Variants in CD22 observed in about 807,000 individuals in gnomAD.
CD22 encodes the protein CD22 molecule, also known as B-cell receptor CD22.
Under a neutral mutation model 94.7 loss-of-function variants are expected in CD22, and 51 were observed. The ratio of observed to expected loss-of-function variants is 0.54; its 90% confidence interval spans 0.43 to 0.68. CD22 has a LOEUF of 0.68. Ranked by LOEUF, CD22 falls within the 30% of genes least tolerant of loss-of-function variation. The probability of loss-of-function intolerance (pLI) is 0.00; values close to 1 mark genes in which losing one functional copy is unlikely to be tolerated. For missense variants in CD22, 931 were observed against 1,060.4 expected (o/e 0.88, Z 1.69); for synonymous variants, 424 against 422.5 (o/e 1.00, Z -0.04).
In CD22 at chr19:35,329,237, A is replaced by T. The variant is rs1421601790; in HGVS notation, c.-23+7A>T. 7.8e-7 allele frequency: 1 copy of T among 1,289,084 alleles called. No homozygotes were observed. The highest frequency in any genetic ancestry group is 1.0e-6 in the Non-Finnish European group (1 of 988,340). 79.9% of individuals were successfully genotyped at this position (1,289,084 alleles called of 1,614,324 possible). On this transcript the variant is annotated splice_region_variant and intron_variant, in intron 1 of 13. Coordinates refer to ENST00000085219, the MANE Select transcript of CD22 (RefSeq NM_001771.4). ...GGAAGACACGCGGAAACAGGTAAAAATCATTTTGCTTTTATTTTGCATTCA... is the reference window on the plus strand; with the variant it reads ...GGAAGACACGCGGAAACAGGTAAAATTCATTTTGCTTTTATTTTGCATTCA...
chr19:35,336,398 G>A (rs1459082571), intron 4 of CD22, 57 bp downstream of exon 4: 2 of 1,541,560 alleles, frequency 1.3e-6, no homozygotes, highest in East Asian at 2.3e-5. Flanking sequence ...CTTCTCCCCA[G>A]CCCCGCAGGG....
Position 35,337,770 on chromosome 19 carries a change from A to T in CD22, c.734A>T (p.Glu245Val), listed in dbSNP as rs754733379. The part of the protein sequence containing the change: ...QLNVKHTPKL[E>V]IKVTPSDAIV... ...GCTCCTCCAGACACCCCGAAGTTGG[A>T]GATCAAGGTCACTCCCAGTGATGCC... Residue 245 changes from glutamate to valine, a missense_variant, in exon 5 of 14, where the codon GAG (glutamate) becomes GTG (valine). Glu to Val is a moderately radical substitution (Grantham distance 121). Coordinates refer to ENST00000085219, the MANE Select transcript of CD22 (RefSeq NM_001771.4). The surrounding 1 kb of genome is among the most constrained non-coding windows in gnomAD (Gnocchi z 4.4). 6.3e-7 allele frequency: 1 copy of T among 1,598,598 alleles called. No individual in the cohort carries two copies. Among genetic ancestry groups the T allele is most frequent in the South Asian group, 1.1e-5 (1 of 90,332 alleles).
chr19:35,337,376 G>A lies in CD22; in HGVS notation c.719-379G>A, dbSNP rs1336887082. 6.6e-6 allele frequency among the ~76,000 whole-genome samples: 1 copy of A among 152,198 alleles called. No homozygotes were observed. Among genetic ancestry groups the A allele is most frequent in the Non-Finnish European group, 1.5e-5 (1 of 68,044 alleles). The stretch of plus-strand genomic sequence containing the variant: ...AAAGCTTTGAGGCAGCAGCTGGGTG[G>A]GAGGACCTCAGAGGCTGAAGTTCAC... On this transcript the variant is annotated intron_variant, in intron 4 of 13. Transcript: ENST00000085219. The surrounding 1 kb of genome is among the most constrained non-coding windows in gnomAD (Gnocchi z 4.4).
chr19:35,342,062 C>CTT (rs1477557468), intron 9 of CD22, 97 bp downstream of exon 9: 44 of 1,122,698 alleles, frequency 3.9e-5, no homozygotes, highest in Middle Eastern at 2.8e-4. Flanking sequence ...TCCTTTCTTT[C>CTT]TCTCTTTCTT....
Position 35,346,733 on chromosome 19 carries a change from C to A in CD22, c.*36C>A. On this transcript the variant is annotated 3_prime_UTR_variant, in exon 14 of 14. Coordinates refer to ENST00000085219, the MANE Select transcript of CD22 (RefSeq NM_001771.4). Reference sequence around the variant, plus strand: ...GCTGCAGCAGAGGCACTGGGGGCAGCGGGGGCCAGGGAAGTCCCCGAGTTT... The same window carrying A: ...GCTGCAGCAGAGGCACTGGGGGCAGAGGGGGCCAGGGAAGTCCCCGAGTTT... 1.9e-6 allele frequency: 3 copies of A among 1,566,416 alleles called. No individual in the cohort carries two copies. The highest frequency in any genetic ancestry group is 1.8e-5 in the Admixed American group (1 of 54,322).
In CD22 at chr19:35,338,027, C is replaced by A; in HGVS notation, c.985+6C>A. 1.2e-6 allele frequency: 2 copies of A among 1,602,048 alleles called. No individual in the cohort carries two copies. The highest frequency in any genetic ancestry group is 8.5e-7 in the Non-Finnish European group (1 of 1,172,428). On this transcript the variant is annotated splice_donor_region_variant and intron_variant, in intron 5 of 13. Transcript: ENST00000085219. ...AGTGTTCCTGCAAGTGCAGTGTGAG[C>A]CCCTCGGAGCTGGGGACAGGCCAGG... is the stretch of plus-strand genomic sequence containing the variant.
At position 35,346,631 on chromosome 19, in the gene CD22, C is replaced by T. The variant is rs1406750970; in HGVS notation, c.2478C>T (p.Ile826=). ...AGGGGATTCATTACTCAGAGCTGATCCAGTTTGGGGTCGGGGAGCGGCCTC... is the reference window on the plus strand; with the variant it reads ...AGGGGATTCATTACTCAGAGCTGATTCAGTTTGGGGTCGGGGAGCGGCCTC... ...EDEGIHYSEL[I]QFGVGERPQA... Residue 826 remains isoleucine, a synonymous_variant, in exon 14 of 14, where the codon ATC becomes ATT. Transcript: ENST00000085219. 1.2e-6 allele frequency: 2 copies of T among 1,607,762 alleles called. No individual in the cohort carries two copies. The highest frequency in any genetic ancestry group is 1.3e-5 in the African/African-American group (1 of 74,852).
At chr19:35,333,620 C>T (rs1471156850) in intron 3 of CD22, among the ~76,000 whole-genome samples, 4 of 152,226 alleles carry the variant, frequency 2.6e-5, no homozygotes, top group South Asian at 4.1e-4. Flanking sequence ...TGCAGTGGCG[C>T]GATCTCAGCT....
At chr19:35,332,098 T>G in intron 2 of CD22, 24 bp downstream of exon 2, 1 of 1,613,894 alleles carries the variant, frequency 6.2e-7, no homozygotes, top group South Asian at 1.1e-5. Flanking sequence ...CCTGGGCTAG[T>G]ACTGGGGTTC....
chr19:35,341,376 A>G lies in CD22; in HGVS notation c.1541A>G (p.Lys514Arg). 1 of 1,613,812 alleles carries G rather than the reference A, an allele frequency of 6.2e-7. No individual in the cohort carries two copies. The highest frequency in any genetic ancestry group is 1.3e-5 in the African/African-American group (1 of 74,936). Residue 514 changes from lysine to arginine, a missense_variant, in exon 8 of 14, where the codon AAG (lysine) becomes AGG (arginine). By Grantham distance (26) the Lys-to-Arg change is conservative. Transcript: ENST00000085219. This position sits in a 1 kb window ranked among gnomAD's most constrained non-coding sequence, Gnocchi z 4.0. ...CGAGACGTGAGGGTCCGGAAAATCA[A>G]GCCCCTTTCCGAGATTCACTCTGGA... is the stretch of plus-strand genomic sequence containing the variant. ...APRDVRVRKI[K>R]PLSEIHSGNS...
chr19:35,340,092 G>A (rs1437251875), intron 6 of CD22, among the ~76,000 whole-genome samples: 1 of 152,198 alleles, frequency 6.6e-6, no homozygotes, highest in East Asian at 1.9e-4. Flanking sequence ...GATGTCATAT[G>A]TGCTAACAGG....
chr19:35,341,123 G>A lies in CD22; in HGVS notation c.1492G>A (p.Ala498Thr), dbSNP rs760563783. 5.6e-6 allele frequency: 9 copies of A among 1,614,096 alleles called. No homozygotes were observed. The highest frequency in any genetic ancestry group is 6.8e-6 in the Non-Finnish European group (8 of 1,180,012). ...NSWCSWASPVALNVQYAPRDV... is the reference protein window; with the variant it reads ...NSWCSWASPVTLNVQYAPRDV... ...TTGGTGCTCGTGGGCCTCCCCTGTC[G>A]CCCTGAATGTCCAGTGTGAGTCCCT... The change falls in exon 7 of 14, where the codon GCC becomes ACC. Residue 498 changes from alanine (A) to threonine (T), a missense_variant. Ala to Thr is a moderately conservative substitution (Grantham distance 58). Coordinates refer to ENST00000085219, the MANE Select transcript of CD22 (RefSeq NM_001771.4). This position sits in a 1 kb window ranked among gnomAD's most constrained non-coding sequence, Gnocchi z 4.0.
chr19:35,339,807 G>A (rs977556595), intron 6 of CD22, among the ~76,000 whole-genome samples: 4 of 152,080 alleles, frequency 2.6e-5, no homozygotes, highest in Non-Finnish European at 4.4e-5. Context: ...AATGAGCTGA[G>A]ATCATGTCAC....
At chr19:35,342,007 G>GTCCCT (rs1555769982) in intron 9 of CD22, 42 bp downstream of exon 9, 2 of 1,028,840 alleles carry the variant, frequency 1.9e-6, no homozygotes, top group South Asian at 1.7e-5. Context: ...GTGGTGGTCA[G>GTCCCT]TCCTTCCTTC....
intron 9 of CD22, 42 bp downstream of exon 9, chr19:35,342,007 G>GTTCTTCCT (rs766900004): frequency 4.9e-6 from 5 of 1,028,100 alleles, no homozygotes; most frequent in Non-Finnish European, 5.5e-6. Flanking sequence ...GTGGTGGTCA[G>GTTCTTCCT]TCCTTCCTTC....
chr19:35,336,371 G>A (rs1359101449), intron 4 of CD22, 30 bp downstream of exon 4: 22 of 1,603,354 alleles, frequency 1.4e-5, no homozygotes, highest in Non-Finnish European at 1.6e-5. Flanking sequence ...CTGTGGGAAG[G>A]GCAAGGTCTG....
chr19:35,332,249 A>G, intron 2 of CD22, 175 bp downstream of exon 2: 1 of 675,762 alleles, frequency 1.5e-6, no homozygotes, highest in Non-Finnish European at 2.5e-6. Context: ...CACTTCTCTC[A>G]TTGCATCCTG....
intron 1 of CD22, among the ~76,000 whole-genome samples, chr19:35,330,101 G>T (rs919947602): frequency 6.6e-6 from 1 of 152,268 alleles, no homozygotes; most frequent in East Asian, 1.9e-4. Context: ...AAGTTGGGGG[G>T]ATCACCTGAG....
intron 1 of CD22, among the ~76,000 whole-genome samples, chr19:35,331,331 G>GT: frequency 6.6e-6 from 1 of 152,328 alleles, no homozygotes; most frequent in East Asian, 1.9e-4. Context: ...GCACCAGAGA[G>GT]AGCTCCACGT....
Sources: gnomAD v4.1 joint callset for allele counts (sites outside exome capture counted in the v4.1 genomes callset) on GRCh38, gnomAD v4.1.1 for gene constraint, Gnocchi (gnomAD v3.1) non-coding constraint, MANE v1.5 for transcripts, NCBI Gene and HGNC (gene_info 2026-07-23, HGNC 2026-07-21) for gene names.